Variants in ZNF385B observed in about 807,000 individuals in gnomAD.
ZNF385B encodes zinc finger protein 385B.
Under a neutral mutation model 39.2 loss-of-function variants are expected in ZNF385B, and 23 were observed. That is an observed-to-expected ratio of 0.59 (90% CI 0.42 to 0.83). The LOEUF (loss-of-function observed/expected upper bound fraction) is 0.83, where lower values mean the gene tolerates loss of function less well. Ranked by LOEUF, ZNF385B falls within the 40% of genes least tolerant of loss-of-function variation. The pLI, the probability that ZNF385B is intolerant of heterozygous loss-of-function variation, is 0.00. For synonymous variants in ZNF385B, 205 were observed against 222.6 expected (o/e 0.92, Z 0.70); for missense variants, 552 against 598.9 (o/e 0.92, Z 0.82).
chr2:179,465,493 A>T (rs2051894151), intron 6 of ZNF385B, among the ~76,000 whole-genome samples: 1 of 152,160 alleles, frequency 6.6e-6, no homozygotes, highest in East Asian at 1.9e-4. Context: ...GCTGCTCCAC[A>T]CAGGGGCCTT....
intron 5 of ZNF385B, among the ~76,000 whole-genome samples, chr2:179,500,385 G>A (rs184941063): frequency 6.6e-4 from 100 of 151,950 alleles, no homozygotes; most frequent in Non-Finnish European, 9.4e-4. Flanking sequence ...GCTGCTACTG[G>A]CATACAAGCA....
At chr2:179,457,059 C>T (rs147476620) in intron 6 of ZNF385B, among the ~76,000 whole-genome samples, 4 of 152,020 alleles carry the variant, frequency 2.6e-5, no homozygotes, top group Non-Finnish European at 5.9e-5. Flanking sequence ...GTTGAGATTT[C>T]CCCCAAAGAT....
intron 3 of ZNF385B, among the ~76,000 whole-genome samples, chr2:179,691,444 T>C (rs1233761092): frequency 6.6e-6 from 1 of 152,218 alleles, no homozygotes; most frequent in Non-Finnish European, 1.5e-5. Flanking sequence ...ATTTTAACCA[T>C]TACCATTTCA....
At chr2:179,684,050 AG>A (rs567032531) in intron 3 of ZNF385B, among the ~76,000 whole-genome samples, 277 of 152,322 alleles carry the variant, frequency 1.8e-3, no homozygotes, top group African/African-American at 6.3e-3. Flanking sequence ...CATTTCTGAA[AG>A]ATGGACCTTG....
chr2:179,623,964 T>C (rs1690443440), intron 3 of ZNF385B, among the ~76,000 whole-genome samples: 1 of 152,218 alleles, frequency 6.6e-6, no homozygotes, highest in Admixed American at 6.5e-5. Flanking sequence ...GGCTTTCATC[T>C]GCAACCATAT....
chr2:179,749,297 G>C (rs1268976661), intron 3 of ZNF385B, among the ~76,000 whole-genome samples: 2 of 152,074 alleles, frequency 1.3e-5, no homozygotes, highest in Non-Finnish European at 2.9e-5. Flanking sequence ...GCAAGCTCTT[G>C]AAATGAAGTG....
intron 1 of ZNF385B, among the ~76,000 whole-genome samples, chr2:179,806,783 A>G (rs1410680988): frequency 6.6e-6 from 1 of 152,194 alleles, no homozygotes; most frequent in Non-Finnish European, 1.5e-5. Context: ...TGGCTTTTAC[A>G]TCCAGCTCTT....
intron 3 of ZNF385B, among the ~76,000 whole-genome samples, chr2:179,606,434 T>C (rs79047934): frequency 0.036 from 5,430 of 152,294 alleles, 157 homozygotes; most frequent in Middle Eastern, 0.061. Flanking sequence ...AGTACAGTAT[T>C]GCCTTCAGAA....
At chr2:179,839,351 T>C (rs1260924879) in intron 1 of ZNF385B, among the ~76,000 whole-genome samples, 1 of 152,184 alleles carries the variant, frequency 6.6e-6, no homozygotes, top group African/African-American at 2.4e-5. Context: ...TGGAGCTCTC[T>C]TCCATTAATT....
intron 3 of ZNF385B, among the ~76,000 whole-genome samples, chr2:179,651,144 T>A (rs1047274116): frequency 7.2e-5 from 11 of 152,298 alleles, no homozygotes; most frequent in African/African-American, 2.6e-4. Flanking sequence ...CAAGATTTTT[T>A]TTTTTAACCA....
At chr2:179,775,008 G>A (rs1025768597) in intron 1 of ZNF385B, among the ~76,000 whole-genome samples, 1 of 152,118 alleles carries the variant, frequency 6.6e-6, no homozygotes, top group Non-Finnish European at 1.5e-5. Flanking sequence ...TAGGGCTCTG[G>A]CATTGCTTTT....
intron 3 of ZNF385B, among the ~76,000 whole-genome samples, chr2:179,614,697 C>T (rs1402978919): frequency 6.6e-6 from 1 of 152,118 alleles, no homozygotes; most frequent in Non-Finnish European, 1.5e-5. Flanking sequence ...TGCTGGATTT[C>T]CAAAGGTCAA....
At chr2:179,584,723 G>A (rs1470860013) in intron 3 of ZNF385B, among the ~76,000 whole-genome samples, 1 of 152,122 alleles carries the variant, frequency 6.6e-6, no homozygotes, top group Non-Finnish European at 1.5e-5. Context: ...AATTTGAGTT[G>A]CCTGAGGGAC....
intron 3 of ZNF385B, among the ~76,000 whole-genome samples, chr2:179,596,102 TACTC>T (rs1687978786): frequency 6.6e-6 from 1 of 152,178 alleles, no homozygotes; most frequent in Non-Finnish European, 1.5e-5. Context: ...CATAACAAAT[TACTC>T]AAGAAAAAAT....
At chr2:179,686,012 C>T (rs1697898793) in intron 3 of ZNF385B, among the ~76,000 whole-genome samples, 1 of 152,198 alleles carries the variant, frequency 6.6e-6, no homozygotes, top group Admixed American at 6.5e-5. Flanking sequence ...CTCTATTTTC[C>T]CTTCTTCCCT....
chr2:179,631,823 A>G (rs1354554442), intron 3 of ZNF385B, among the ~76,000 whole-genome samples: 2 of 152,126 alleles, frequency 1.3e-5, no homozygotes, highest in Non-Finnish European at 2.9e-5. Flanking sequence ...GGATGGAGGA[A>G]GATCTACCAG....
chr2:179,808,142 C>T lies in ZNF385B; in HGVS notation c.-154-37470G>A, dbSNP rs1463281140. Reference sequence around the variant, plus strand: ...CCGCCTCCCAGGTTCACGCCATTCTCCTGCCTTAGCCTCCCCAGCAGCTGG... The same window carrying T: ...CCGCCTCCCAGGTTCACGCCATTCTTCTGCCTTAGCCTCCCCAGCAGCTGG... On this transcript the variant is annotated intron_variant, in intron 1 of 9. Coordinates refer to ENST00000410066, the MANE Select transcript of ZNF385B (RefSeq NM_152520.6). 2.0e-5 allele frequency among the ~76,000 whole-genome samples: 3 copies of T among 152,016 alleles called. No homozygotes were observed. The East Asian group carries it at 5.9e-4, about 30-fold the overall frequency.
intron 3 of ZNF385B, among the ~76,000 whole-genome samples, chr2:179,691,795 T>A (rs78775136): frequency 1.3e-5 from 2 of 152,144 alleles, no homozygotes; most frequent in Non-Finnish European, 2.9e-5. Context: ...TTTTTGTTTA[T>A]CTGAAATTCA....
At chr2:179,629,242 G>C (rs1013852205) in intron 3 of ZNF385B, among the ~76,000 whole-genome samples, 2 of 152,140 alleles carry the variant, frequency 1.3e-5, no homozygotes, top group Admixed American at 1.3e-4. Context: ...GCCAGAACAG[G>C]CCGAGCCCTC....
Sources: gnomAD v4.1 joint callset for allele counts (sites outside exome capture counted in the v4.1 genomes callset) on GRCh38, gnomAD v4.1.1 for gene constraint, MANE v1.5 for transcripts, NCBI Gene and HGNC (gene_info 2026-07-23, HGNC 2026-07-21) for gene names.